PCSK4: variants seen among roughly 807,000 people sequenced by gnomAD.
PCSK4 encodes proprotein convertase subtilisin/kexin type 4.
Under a neutral mutation model 80.3 loss-of-function variants are expected in PCSK4, and 64 were observed. The ratio of observed to expected loss-of-function variants is 0.80; its 90% confidence interval spans 0.65 to 0.98. PCSK4 has a LOEUF of 0.98. PCSK4 is among the 50% of genes least tolerant of loss of function. The pLI is 0.00. For missense variants in PCSK4, 1,213 were observed against 1,093.6 expected (o/e 1.11, Z -1.54); for synonymous variants, 561 against 487.6 (o/e 1.15, Z -1.98).
chr19:1,483,721 CACCAGCAGCCCGGCG>C, exon 11 of PCSK4: 1 of 1,595,730 alleles, frequency 6.3e-7, no homozygotes, highest in Non-Finnish European at 8.5e-7. Context: ...GGGCGGTGTC[CACCAGCAGCCCGGCG>C]TCCAGCAGCC....
At chr19:1,483,852 C>T in exon 10 of PCSK4, 2 of 1,495,342 alleles carry the variant, frequency 1.3e-6, no homozygotes. Context: ...GCGCCCCACG[C>T]CGTTGGTCCT....
intron 3 of PCSK4, 34 bp downstream of exon 3, chr19:1,488,154 C>G: frequency 6.2e-7 from 1 of 1,613,220 alleles, no homozygotes; most frequent in South Asian, 1.1e-5. Flanking sequence ...CCAGCGGCCC[C>G]GTCCCCGTCT....
chr19:1,487,634 A>G, exon 6 of PCSK4: 3 of 1,553,788 alleles, frequency 1.9e-6, no homozygotes, highest in Non-Finnish European at 2.6e-6. Context: ...CGACCCCCAC[A>G]CCACAGAAGC....
intron 12 of PCSK4, 108 bp downstream of exon 12, chr19:1,483,176 C>T: frequency 7.0e-6 from 9 of 1,286,002 alleles, no homozygotes; most frequent in South Asian, 6.1e-5. Flanking sequence ...ACTAGGCTGC[C>T]GTGTGACTCC....
intron 12 of PCSK4, 43 bp downstream of exon 12, chr19:1,483,241 G>A (rs569890173): frequency 1.3e-5 from 20 of 1,487,346 alleles, no homozygotes; most frequent in South Asian, 2.6e-5. Flanking sequence ...AGCGTTTACC[G>A]ACAGGGCATG....
At chr19:1,488,232 C>T in exon 3 of PCSK4, 1 of 1,612,862 alleles carries the variant, frequency 6.2e-7, no homozygotes, top group Non-Finnish European at 8.5e-7. Context: ...GGCACCACGA[C>T]AGAGCGTTTC....
chr19:1,485,956 ATTTG>A (rs1473557897), intron 8 of PCSK4, among the ~76,000 whole-genome samples: 3 of 124,644 alleles, frequency 2.4e-5, no homozygotes, highest in South Asian at 4.8e-4. Context: ...GCCCGGCTGG[ATTTG>A]TTTTTGTTTT....
At position 1,483,957 on chromosome 19, in the gene PCSK4, G is replaced by GCGGGGA; in HGVS notation, c.1170-17_1170-16insTCCCCG. 1 of 1,431,966 alleles carries GCGGGGA rather than the reference G, an allele frequency of 7.0e-7. No homozygotes were observed. Among genetic ancestry groups the GCGGGGA allele is most frequent in the Non-Finnish European group, 9.2e-7 (1 of 1,091,178 alleles). 88.7% of individuals were successfully genotyped at this position (1,431,966 alleles called of 1,614,324 possible). A position where few individuals can be genotyped will look rare whatever the true frequency, so the allele number is the denominator to read the frequency against. On this transcript the variant is annotated splice_polypyrimidine_tract_variant and intron_variant, in intron 9 of 14. Transcript: ENST00000300954. ...CAGGAACGGGCTGCGGGGGGCGGGG[G>GCGGGGA]CGGGGGCGGGTGAGCCGCCGGGCCG...
At chr19:1,489,017 G>A (rs745323428) in intron 2 of PCSK4, among the ~76,000 whole-genome samples, 2 of 152,128 alleles carry the variant, frequency 1.3e-5, no homozygotes, top group Admixed American at 6.5e-5. Flanking sequence ...CAACCCCTCA[G>A]CTTGACATCC....
chr19:1,482,996 G>T, exon 13 of PCSK4: 2 of 1,498,936 alleles, frequency 1.3e-6, no homozygotes, highest in Non-Finnish European at 1.8e-6. Context: ...AGTTGTTGTA[G>T]CCTTCAGTGC....
At chr19:1,482,104 C>T (rs768049225) in exon 15 of PCSK4, 87 of 1,551,842 alleles carry the variant, frequency 5.6e-5, no homozygotes, top group East Asian at 7.2e-5. Context: ...CGGGCGCCGC[C>T]GTGTGCCCAG....
rs750120778 is a variant in PCSK4 at position 1,485,920 on chromosome 19, T to C, written c.1068+933A>G. 2.6e-5 allele frequency among the ~76,000 whole-genome samples: 4 copies of C among 152,110 alleles called. No homozygotes were observed. The South Asian group carries it at 8.3e-4, about 31-fold the overall frequency. On this transcript the variant is annotated intron_variant, in intron 8 of 14. Transcript: ENST00000300954. ...CCCTGGGCTGAAGTGATTCTCCCAC[T>C]TTGGCCTCCCAAAGTGAGCTGTTGC...
chr19:1,485,489 C>T (rs746056938), intron 8 of PCSK4, among the ~76,000 whole-genome samples: 18 of 152,076 alleles, frequency 1.2e-4, no homozygotes, highest in Non-Finnish European at 2.1e-4. Flanking sequence ...CGCTTGAGCC[C>T]GGCAGGCGTA....
At chr19:1,488,737 T>C (rs945157490) in intron 2 of PCSK4, among the ~76,000 whole-genome samples, 1 of 152,012 alleles carries the variant, frequency 6.6e-6, no homozygotes, top group Non-Finnish European at 1.5e-5. Flanking sequence ...CACACCACCA[T>C]GCCCGGCTAA....
chr19:1,482,672 G>C (rs539743290), intron 13 of PCSK4, 197 bp from the exon 14 acceptor site: 1 of 775,414 alleles, frequency 1.3e-6, no homozygotes, highest in Non-Finnish European at 2.0e-6. Flanking sequence ...CCTACTGTGC[G>C]CCTGTCACTG....
At chr19:1,488,731 C>A (rs1156872678) in intron 2 of PCSK4, among the ~76,000 whole-genome samples, 1 of 152,108 alleles carries the variant, frequency 6.6e-6, no homozygotes, top group African/African-American at 2.4e-5. Context: ...CAGGCGCACA[C>A]CACCATGCCC....
chr19:1,488,035 CT>C lies in PCSK4; in HGVS notation c.444del (p.Gly149AlafsTer97), dbSNP rs1258887010. ...AGCACAGAGACCACGATGCCCTGGC[CT>C]GACAGCCCCTGACTCCAGGCCTGCA... On this transcript the variant is annotated frameshift_variant, in exon 4 of 15. Coordinates refer to ENST00000300954, the Ensembl canonical transcript of PCSK4. LOFTEE classifies it high-confidence loss of function. 5.0e-6 allele frequency: 8 copies of C among 1,613,440 alleles called. No individual in the cohort carries two copies. The South Asian group carries it at 8.8e-5, about 18-fold the overall frequency.
In PCSK4 at chr19:1,483,198, C is replaced by G. The variant is rs115553756; in HGVS notation, c.1571+86G>C. The G allele has an allele frequency of 9.9e-4, 1,358 of 1,366,520 alleles. 15 individuals carry two copies. In the African/African-American group the frequency reaches 0.018, roughly 18 times the overall value. The allele number at this position is 1,366,520 out of a possible 1,614,324, so 84.6% of individuals were successfully genotyped here. A position where few individuals can be genotyped will look rare whatever the true frequency, so the allele number is the denominator to read the frequency against. ...TGCCGTGTGACTCCTATGGGCCTGG[C>G]CCCTCCCCGTGAGGACACTCCGGGT... On this transcript the variant is annotated intron_variant, in intron 12 of 14. Transcript: ENST00000300954.
At chr19:1,490,037 A>G in intron 1 of PCSK4, 121 bp downstream of exon 1, 1 of 1,520,962 alleles carries the variant, frequency 6.6e-7, no homozygotes. Context: ...TGGCTGAGGC[A>G]GGGGTGGGCT....
Sources: gnomAD v4.1 joint callset for allele counts (sites outside exome capture counted in the v4.1 genomes callset) on GRCh38, gnomAD v4.1.1 for gene constraint, MANE v1.5 for transcripts, NCBI Gene and HGNC (gene_info 2026-07-23, HGNC 2026-07-21) for gene names.